The following LRRC4C variants were observed in gnomAD, a reference collection of about 807,000 sequenced individuals.
LRRC4C encodes leucine rich repeat containing 4C.
Under a neutral mutation model 33.6 loss-of-function variants are expected in LRRC4C, and 5 were observed. The observed-to-expected ratio is 0.15, with a 90% CI of 0.08 to 0.31. The LOEUF (loss-of-function observed/expected upper bound fraction) is 0.31. LRRC4C is among the 10% of genes least tolerant of loss of function. The pLI, the probability that LRRC4C is intolerant of heterozygous loss-of-function variation, is 1.00. For synonymous variants in LRRC4C, 329 were observed against 302.0 expected (o/e 1.09, Z -0.93); for missense variants, 560 against 796.7 (o/e 0.70, Z 3.58).
chr11:40,373,306 A>T (rs1201733093), intron 3 of LRRC4C, among the ~76,000 whole-genome samples: 1 of 152,188 alleles, frequency 6.6e-6, no homozygotes, highest in Non-Finnish European at 1.5e-5. Context: ...TGACCACAAC[A>T]TAAAATTAGA....
chr11:41,229,383 A>C (rs909365504), intron 1 of LRRC4C, among the ~76,000 whole-genome samples: 2 of 152,080 alleles, frequency 1.3e-5, no homozygotes, highest in African/African-American at 4.8e-5. Context: ...CTGTTCTTCA[A>C]GCTAACCAGT....
chr11:40,606,523 G>T (rs1436420004), intron 3 of LRRC4C, among the ~76,000 whole-genome samples: 3 of 151,328 alleles, frequency 2.0e-5, no homozygotes, highest in Non-Finnish European at 2.9e-5. Context: ...AAGAAATAAA[G>T]AAACATGGCC....
chr11:40,959,381 C>A (rs1302415537), intron 1 of LRRC4C, among the ~76,000 whole-genome samples: 1 of 151,596 alleles, frequency 6.6e-6, no homozygotes, highest in Non-Finnish European at 1.5e-5. Context: ...CAATCCCTTT[C>A]CCCAAGTTCC....
intron 1 of LRRC4C, among the ~76,000 whole-genome samples, chr11:40,946,475 G>T (rs1363927851): frequency 6.6e-6 from 1 of 152,102 alleles, no homozygotes; most frequent in African/African-American, 2.4e-5. Flanking sequence ...TGGGTCAAAT[G>T]GTAGTTCTGT....
chr11:40,511,212 A>G (rs1955299285), intron 3 of LRRC4C, among the ~76,000 whole-genome samples: 1 of 152,224 alleles, frequency 6.6e-6, no homozygotes. Flanking sequence ...AATGGTTTTA[A>G]AGAAATTATA....
chr11:41,081,923 A>G (rs11036220), intron 1 of LRRC4C, among the ~76,000 whole-genome samples: 40,578 of 152,076 alleles, frequency 0.27, 5,570 homozygotes, highest in Admixed American at 0.35. Flanking sequence ...GGATAGATGT[A>G]TTTATACCGT....
At chr11:41,284,813 T>C (rs1038257641) in intron 1 of LRRC4C, among the ~76,000 whole-genome samples, 9 of 152,198 alleles carry the variant, frequency 5.9e-5, no homozygotes, top group African/African-American at 2.2e-4. Context: ...TGATTTCCCC[T>C]AATGCTGTCT....
chr11:40,706,863 T>C (rs757184221), intron 2 of LRRC4C, among the ~76,000 whole-genome samples: 6 of 152,294 alleles, frequency 3.9e-5, no homozygotes, highest in Non-Finnish European at 7.3e-5. Flanking sequence ...CTTCCATTTG[T>C]TTGTAACCTC....
At chr11:40,224,010 AGT>A (rs1220636789) in intron 5 of LRRC4C, among the ~76,000 whole-genome samples, 1 of 152,190 alleles carries the variant, frequency 6.6e-6, no homozygotes, top group Non-Finnish European at 1.5e-5. Context: ...TGAGATATGT[AGT>A]TTGTAAAGCT....
At chr11:40,382,031 A>G (rs1182744939) in intron 3 of LRRC4C, among the ~76,000 whole-genome samples, 1 of 129,488 alleles carries the variant, frequency 7.7e-6, no homozygotes, top group African/African-American at 3.0e-5. Context: ...ATCTCGGCTC[A>G]CTGCAAGCTC....
intron 2 of LRRC4C, among the ~76,000 whole-genome samples, chr11:40,737,658 T>C (rs1166513251): frequency 1.3e-5 from 2 of 151,924 alleles, no homozygotes; most frequent in East Asian, 3.9e-4. Flanking sequence ...GAATACAACT[T>C]ACAAGGGATG....
chr11:40,857,801 G>A (rs937080588), intron 2 of LRRC4C, among the ~76,000 whole-genome samples: 1 of 152,080 alleles, frequency 6.6e-6, no homozygotes, highest in Non-Finnish European at 1.5e-5. Flanking sequence ...TGTAGTCCCA[G>A]TTACTTGGGA....
At chr11:40,785,500 A>T (rs1950376847) in intron 2 of LRRC4C, among the ~76,000 whole-genome samples, 1 of 152,184 alleles carries the variant, frequency 6.6e-6, no homozygotes, top group Admixed American at 6.5e-5. Flanking sequence ...AATAATCCAT[A>T]AAACCCATTT....
At chr11:41,138,958 G>A (rs976590689) in intron 1 of LRRC4C, among the ~76,000 whole-genome samples, 3 of 152,082 alleles carry the variant, frequency 2.0e-5, no homozygotes, top group Admixed American at 1.3e-4. Context: ...CCCAATAAAA[G>A]CCATGTTATG....
At chr11:41,326,631 G>A (rs966185904) in intron 1 of LRRC4C, among the ~76,000 whole-genome samples, 12 of 151,578 alleles carry the variant, frequency 7.9e-5, no homozygotes, top group Non-Finnish European at 1.8e-4. Flanking sequence ...ATGTAGATCT[G>A]ATATAGAAGT....
chr11:40,469,778 G>C (rs965977269), intron 3 of LRRC4C, among the ~76,000 whole-genome samples: 1 of 152,174 alleles, frequency 6.6e-6, no homozygotes, highest in Non-Finnish European at 1.5e-5. Flanking sequence ...AGTTTGAACT[G>C]GGTGGAGCCC....
intron 1 of LRRC4C, among the ~76,000 whole-genome samples, chr11:41,161,768 T>C (rs749877493): frequency 6.6e-6 from 1 of 152,170 alleles, no homozygotes; most frequent in Non-Finnish European, 1.5e-5. Context: ...TTTATTTTCA[T>C]CGGGATGTGA....
intron 1 of LRRC4C, among the ~76,000 whole-genome samples, chr11:41,090,536 A>T (rs1001435032): frequency 3.3e-5 from 5 of 152,160 alleles, no homozygotes; most frequent in African/African-American, 1.2e-4. Context: ...ACTTACCCAA[A>T]TGAATTTTTC....
chr11:40,380,177 A>T (rs1483538140), intron 3 of LRRC4C, among the ~76,000 whole-genome samples: 1 of 152,180 alleles, frequency 6.6e-6, no homozygotes, highest in Non-Finnish European at 1.5e-5. Flanking sequence ...CTTCAATTAA[A>T]CCTGAGGGAG....
Sources: allele counts gnomAD v4.1 joint callset (sites outside exome capture counted in the v4.1 genomes callset), GRCh38; gene constraint gnomAD v4.1.1; transcripts MANE v1.5; gene names NCBI Gene and HGNC (gene_info 2026-07-23, HGNC 2026-07-21).